SACS: variants seen among roughly 807,000 people sequenced by gnomAD.
SACS encodes the protein sacsin.
In SACS, 197 loss-of-function variants were observed where a neutral mutation model predicts 348.0. The ratio of observed to expected loss-of-function variants is 0.57; its 90% CI spans 0.50 to 0.64. The LOEUF (loss-of-function observed/expected upper bound fraction) is 0.64, where lower values mean the gene tolerates loss of function less well. SACS is among the 30% of genes least tolerant of loss of function. The pLI, the probability that SACS is intolerant of heterozygous loss-of-function variation, is 0.00. For missense variants in SACS, 4,999 were observed against 5,360.8 expected, an observed-to-expected ratio of 0.93 and a Z score of 2.11; for synonymous variants, 1,985 against 1,910.6, an observed-to-expected ratio of 1.04 and a Z score of -1.02.
intron 5 of SACS, among the ~76,000 whole-genome samples, chr13:23,368,186 G>A (rs1306914291): frequency 6.6e-6 from 1 of 152,086 alleles, no homozygotes; most frequent in Non-Finnish European, 1.5e-5. Context: ...GTAGCTTAGC[G>A]CATTTCTTTG....
At chr13:23,387,189 G>C (rs1872323911) in intron 2 of SACS, among the ~76,000 whole-genome samples, 1 of 152,090 alleles carries the variant, frequency 6.6e-6, no homozygotes, top group South Asian at 2.1e-4. Context: ...GCCGGGCGCG[G>C]TGGCTCACGC....
In SACS at chr13:23,353,753, A is replaced by C. The variant is rs188248062; in HGVS notation, c.2185+32T>G. 30 of 1,218,602 alleles carry C rather than the reference A, an allele frequency of 2.5e-5. No individual in the cohort carries two copies. In the East Asian group the frequency reaches 6.9e-4, roughly 28 times the overall value. The allele number at this position is 1,218,602 out of a possible 1,614,324, so 75.5% of individuals were successfully genotyped here. ...TAAAAAACTTGTATTTTTATATAGA[A>C]GTTTATTTAAAAGAATACTAAACTA... On this transcript the variant is annotated intron_variant, in intron 9 of 9. Transcript: ENST00000382292.
chr13:23,332,985 G>A lies in SACS; in HGVS notation c.10891C>T (p.His3631Tyr). 6.2e-7 allele frequency: 1 copy of A among 1,613,834 alleles called. No homozygotes were observed. Among genetic ancestry groups the A allele is most frequent in the East Asian group, 2.2e-5 (1 of 44,880 alleles). ...LQNTVDILLH[H>Y]IFQERMDLLS... ...AAATCCATTCGTTCTTGGAATATAT[G>A]ATGCAGAAGGATATCAACTGTATTT... The change falls in exon 10 of 10, where the codon CAT (histidine) becomes TAT (tyrosine). Residue 3631 changes from histidine (H) to tyrosine (Y), a missense_variant. By Grantham distance (83) the His-to-Tyr change is moderately conservative (BLOSUM62 2). Transcript: ENST00000382292.
At chr13:23,389,947 C>T (rs1872464654) in intron 2 of SACS, among the ~76,000 whole-genome samples, 1 of 152,102 alleles carries the variant, frequency 6.6e-6, no homozygotes, top group African/African-American at 2.4e-5. Flanking sequence ...AATATGCGAC[C>T]ACTTTTATGC....
chr13:23,343,739 G>A (rs372248738), intron 9 of SACS, among the ~76,000 whole-genome samples: 3 of 152,212 alleles, frequency 2.0e-5, no homozygotes, highest in South Asian at 2.1e-4. Flanking sequence ...GAGGAATCCC[G>A]CCTCAGGCTC....
Position 23,332,260 on chromosome 13 carries a change from A to T in SACS, c.11616T>A (p.Asn3872Lys), listed in dbSNP as rs768466334. The T allele has an allele frequency of 6.2e-7, 1 of 1,613,972 alleles. No homozygotes were observed. ...CTACTCTCTTAACTGTACGCATTTC[A>T]TTAGGATCTAATTGTTTGCCCTCAG... ...KNSEGKQLDP[N>K]EMRTVKRVVS... The change falls in exon 10 of 10, where the codon AAT (asparagine) becomes AAA (lysine). Residue 3872 changes from asparagine (N) to lysine (K), a missense_variant. Physicochemically the swap from Asn to Lys is moderately conservative, Grantham distance 94. Transcript: ENST00000382292.
intron 6 of SACS, 86 bp downstream of exon 6, chr13:23,365,080 C>A: frequency 2.3e-6 from 2 of 870,390 alleles, no homozygotes; most frequent in Non-Finnish European, 3.8e-6. Context: ...AAATGATAGA[C>A]TGTTCATTAA....
At chr13:23,426,478 G>A (rs535624326) in intron 1 of SACS, among the ~76,000 whole-genome samples, 2 of 152,030 alleles carry the variant, frequency 1.3e-5, no homozygotes, top group South Asian at 4.2e-4. Flanking sequence ...CCGTCTCTAC[G>A]AAAATACAAA....
intron 2 of SACS, among the ~76,000 whole-genome samples, chr13:23,381,996 G>A (rs1311836565): frequency 1.3e-5 from 2 of 152,182 alleles, no homozygotes; most frequent in Non-Finnish European, 2.9e-5. Context: ...ATTAAAAGAG[G>A]AGCATGCTAC....
intron 1 of SACS, among the ~76,000 whole-genome samples, chr13:23,417,598 T>C (rs1873736300): frequency 1.3e-5 from 2 of 152,158 alleles, no homozygotes; most frequent in Non-Finnish European, 2.9e-5. Flanking sequence ...AAAATTTATC[T>C]GAACCCCATA....
At chr13:23,430,584 A>T (rs1032417098) in intron 1 of SACS, among the ~76,000 whole-genome samples, 1 of 152,196 alleles carries the variant, frequency 6.6e-6, no homozygotes, top group African/African-American at 2.4e-5. Flanking sequence ...CTATGTGAAA[A>T]TGTGCACAAA....
chr13:23,380,698 C>T (rs1309748516), intron 2 of SACS, among the ~76,000 whole-genome samples: 3 of 152,246 alleles, frequency 2.0e-5, no homozygotes, highest in Admixed American at 1.3e-4. Flanking sequence ...GAGTCAGGAA[C>T]GTTGTAATTG....
In SACS at chr13:23,332,674, T is replaced by TA; in HGVS notation, c.11201dup (p.Leu3734PhefsTer5). On this transcript the variant is annotated frameshift_variant, in exon 10 of 10. Coordinates refer to ENST00000382292, the MANE Select transcript of SACS (RefSeq NM_014363.6). LOFTEE classifies it high-confidence loss of function. ...GATCCAGGTTAACATTAAGCATATT[T>TA]AAAACTTGTTCAAGCTGTTCTTGTG... is the stretch of plus-strand genomic sequence containing the variant. The TA allele has an allele frequency of 6.2e-7, 1 of 1,613,902 alleles. No individual in the cohort carries two copies. Among genetic ancestry groups the TA allele is most frequent in the Non-Finnish European group, 8.5e-7 (1 of 1,179,948 alleles).
At position 23,354,706 on chromosome 13, in the gene SACS, G is replaced by C. The variant is rs201752905; in HGVS notation, c.1906C>G (p.Arg636Gly). 6.2e-7 allele frequency: 1 copy of C among 1,613,686 alleles called. No individual in the cohort carries two copies. The highest frequency in any genetic ancestry group is 1.3e-5 in the African/African-American group (1 of 74,918). The change falls in exon 8 of 10, where the codon CGG (arginine) becomes GGG (glycine). Residue 636 changes from arginine to glycine, a missense_variant. Arg to Gly is a moderately radical substitution (Grantham distance 125). This residue lies in a region of SACS where 3,156 missense variants were observed against 3,380.1 expected (regional missense o/e 0.93). Transcript: ENST00000382292. ...GCACAGCCCAGGTGTGCACACTTCCGCAGCACCTGCCGCACCCACGCGGGC... is the reference window on the plus strand; with the variant it reads ...GCACAGCCCAGGTGTGCACACTTCCCCAGCACCTGCCGCACCCACGCGGGC... ...VTPAWVRQVL[R>G]KCAHLGCAEE... is the part of the protein sequence containing the mutation.
chr13:23,405,484 A>G (rs1424672341), intron 2 of SACS, among the ~76,000 whole-genome samples: 1 of 152,248 alleles, frequency 6.6e-6, no homozygotes, highest in Non-Finnish European at 1.5e-5. Flanking sequence ...CATTCAGGAC[A>G]TAGGCATGGG....
Position 23,340,692 on chromosome 13 carries a change from T to TC in SACS, c.3183_3184insG (p.Lys1062GlufsTer6). On this transcript the variant is annotated frameshift_variant, in exon 10 of 10. Coordinates refer to ENST00000382292, the MANE Select transcript of SACS (RefSeq NM_014363.6). LOFTEE classifies it high-confidence loss of function. The stretch of plus-strand genomic sequence containing the variant: ...CCTTCTTCATTACAAAAGAGATCCT[T>TC]TAGTACTTCTATATCAGGGTCAAAG... The TC allele has an allele frequency of 6.3e-7, 1 of 1,591,542 alleles. No individual in the cohort carries two copies. Among genetic ancestry groups the TC allele is most frequent in the Non-Finnish European group, 8.5e-7 (1 of 1,172,288 alleles).
Position 23,340,277 on chromosome 13 carries a change from G to A in SACS, c.3599C>T (p.Pro1200Leu). The A allele has an allele frequency of 6.2e-7, 1 of 1,613,356 alleles. No individual in the cohort carries two copies. The highest frequency in any genetic ancestry group is 8.5e-7 in the Non-Finnish European group (1 of 1,179,598). Residue 1200 changes from proline (P) to leucine (L), a missense_variant, in exon 10 of 10, where the codon CCT (proline) becomes CTT (leucine). Physicochemically the swap from Pro to Leu is moderately conservative, Grantham distance 98 (BLOSUM62 -3). This residue lies in a region of SACS where 3,156 missense variants were observed against 3,380.1 expected (regional missense o/e 0.93). Coordinates refer to ENST00000382292, the MANE Select transcript of SACS (RefSeq NM_014363.6). ...GHAILIGSSL[P>L]LVESIHVNLE... is the part of the protein sequence containing the mutation. ...GTTTACATGGATACTTTCAACAAGA[G>A]GAAGTGAGGAGCCAATGAGAATTGC...
At position 23,332,394 on chromosome 13, in the gene SACS, G is replaced by C. The variant is rs771848963; in HGVS notation, c.11482C>G (p.Leu3828Val). Residue 3828 changes from leucine (L) to valine (V), a missense_variant, in exon 10 of 10, where the codon CTA becomes GTA. By Grantham distance (32) the Leu-to-Val change is conservative. Transcript: ENST00000382292. ...TGAAATGTGCCAAGTTCTAAAGGTA[G>C]CTTGTACAAATAAGGTTTAAAATCA... ...ESDFKPYLYK[L>V]PLELGTFHQL... 1 of 1,613,956 alleles carries C rather than the reference G, an allele frequency of 6.2e-7. No individual in the cohort carries two copies. Among genetic ancestry groups the C allele is most frequent in the Non-Finnish European group, 8.5e-7 (1 of 1,179,890 alleles).
Position 23,329,535 on chromosome 13 carries a change from C to T in SACS, c.*601G>A. ...AATTTAAATAAAGATGTAAAGTGCA[C>T]TCAGTGCACTCTAAAAAGTACTACC... On this transcript the variant is annotated 3_prime_UTR_variant, in exon 10 of 10. Transcript: ENST00000382292. 1 of 676,908 alleles carries T rather than the reference C, an allele frequency of 1.5e-6. No individual in the cohort carries two copies. The highest frequency in any genetic ancestry group is 1.7e-5 in the South Asian group (1 of 57,906). 41.9% of individuals were successfully genotyped at this position (676,908 alleles called of 1,614,324 possible).
Sources: gnomAD v4.1 joint callset for allele counts (sites outside exome capture counted in the v4.1 genomes callset) on GRCh38, gnomAD v4.1.1 for gene constraint, gnomAD v4.1.1 regional missense constraint, MANE v1.5 for transcripts, NCBI Gene and HGNC (gene_info 2026-07-23, HGNC 2026-07-21) for gene names.